Variants in FAM220A observed in about 807,000 individuals in gnomAD.
The protein encoded by FAM220A is family with sequence similarity 220 member A.
For missense variants in FAM220A, 392 were observed against 321.6 expected, an observed-to-expected ratio of 1.22 and a Z score of -1.68; for synonymous variants, 141 against 130.7, an observed-to-expected ratio of 1.08 and a Z score of -0.54.
intron 1 of FAM220A, among the ~76,000 whole-genome samples, chr7:6,333,583 G>A (rs374891925): frequency 2.0e-5 from 3 of 151,558 alleles, no homozygotes; most frequent in Admixed American, 6.6e-5. Flanking sequence ...ACTGCAGCCT[G>A]TAACTTCTGG....
Position 6,348,851 on chromosome 7 carries a change from AAGG to A in FAM220A, c.-363_-361del. The A allele has an allele frequency of 2.6e-6, 1 of 390,144 alleles. No individual in the cohort carries two copies. The highest frequency in any genetic ancestry group is 4.5e-6 in the Non-Finnish European group (1 of 221,042). The allele number at this position is 390,144 out of a possible 1,614,324, so 24.2% of individuals were successfully genotyped here. ...CCTCGCCTGGCGTGCTCAGGGAGCG[AAGG>A]AGGCGGCGGCTAGACCGGCGGGCGG... On this transcript the variant is annotated 5_prime_UTR_variant, in exon 1 of 2. Transcript: ENST00000313324.
intron 1 of FAM220A, among the ~76,000 whole-genome samples, chr7:6,336,188 A>AT (rs1562446100): frequency 1.3e-5 from 2 of 150,462 alleles, no homozygotes; most frequent in Admixed American, 6.7e-5. Flanking sequence ...AAAAAAAAAA[A>AT]TTAAAAGATT....
At chr7:6,342,268 G>C (rs1781875386) in intron 1 of FAM220A, among the ~76,000 whole-genome samples, 1 of 151,538 alleles carries the variant, frequency 6.6e-6, no homozygotes, top group African/African-American at 2.4e-5. Context: ...GTCTAGGCTG[G>C]GTGCGGTGGC....
chr7:6,338,852 C>A (rs1050275983), intron 1 of FAM220A, among the ~76,000 whole-genome samples: 6 of 152,140 alleles, frequency 3.9e-5, no homozygotes, highest in African/African-American at 1.2e-4. Context: ...AAGGCTAGTC[C>A]CAAAGGGGAG....
At chr7:6,331,584 G>C (rs936615214) in intron 1 of FAM220A, among the ~76,000 whole-genome samples, 1 of 152,018 alleles carries the variant, frequency 6.6e-6, no homozygotes, top group Non-Finnish European at 1.5e-5. Flanking sequence ...GTTTCACCAA[G>C]TTAGCTGGGA....
intron 1 of FAM220A, among the ~76,000 whole-genome samples, chr7:6,333,391 G>A (rs1322784493): frequency 6.6e-6 from 1 of 152,124 alleles, no homozygotes; most frequent in African/African-American, 2.4e-5. Flanking sequence ...TGGACAGACT[G>A]CAAATGGTTC....
intron 1 of FAM220A, among the ~76,000 whole-genome samples, chr7:6,338,442 G>A (rs1781787673): frequency 6.6e-6 from 1 of 152,148 alleles, no homozygotes; most frequent in Non-Finnish European, 1.5e-5. Flanking sequence ...CCAGAATGAT[G>A]GAAGGAGTCT....
chr7:6,330,992 T>C lies in FAM220A; in HGVS notation c.163A>G (p.Asn55Asp), dbSNP rs1367810304. The C allele has an allele frequency of 3.7e-6, 6 of 1,614,240 alleles. No homozygotes were observed. The highest frequency in any genetic ancestry group is 5.1e-6 in the Non-Finnish European group (6 of 1,180,044). The change falls in exon 2 of 2, where the codon AAT (asparagine) becomes GAT (aspartate). Residue 55 changes from asparagine (N) to aspartate (D), a missense_variant. Coordinates refer to ENST00000313324, the MANE Select transcript of FAM220A (RefSeq NM_001037163.2). ...AGTGATAATGCCTCACTTTGTGAAT[T>C]TCCATCAACCACAGGCTTATTCATC... ...SWMNKPVVDG[N>D]SQSEALSLEM...
intron 1 of FAM220A, among the ~76,000 whole-genome samples, chr7:6,347,206 C>T (rs1281455632): frequency 6.6e-6 from 1 of 152,106 alleles, no homozygotes. Flanking sequence ...AACTGGAATT[C>T]AAGGGATGTA....
intron 1 of FAM220A, 53 bp from the exon 2 acceptor site, chr7:6,331,288 G>T: frequency 1.3e-6 from 1 of 799,314 alleles, no homozygotes; most frequent in Non-Finnish European, 2.0e-6. Context: ...TGGGTCTTAA[G>T]AGCATCTACA....
At chr7:6,346,981 A>G (rs1171114202) in intron 1 of FAM220A, among the ~76,000 whole-genome samples, 1 of 152,182 alleles carries the variant, frequency 6.6e-6, no homozygotes, top group African/African-American at 2.4e-5. Context: ...GGACTTGGCC[A>G]GCTTTCTTTG....
chr7:6,337,310 T>C (rs1009333376), intron 1 of FAM220A, among the ~76,000 whole-genome samples: 2 of 152,024 alleles, frequency 1.3e-5, no homozygotes, highest in African/African-American at 2.4e-5. Context: ...TGAGTAGATA[T>C]GGGGTTTTAC....
Position 6,347,883 on chromosome 7 carries a change from T to TTTATTATTATTATTATTA in FAM220A, c.-82+672_-82+689dup, listed in dbSNP as rs143253434. Among the ~76,000 whole-genome samples the TTTATTATTATTATTATTA allele has an allele frequency of 5.2e-3, 682 of 131,524 alleles. 5 individuals are homozygous for TTTATTATTATTATTATTA. The highest frequency in any genetic ancestry group is 0.01 in the African/African-American group (364 of 35,514). 86.3% of individuals were successfully genotyped at this position (131,524 alleles called of 152,430 possible). A position where few individuals can be genotyped will look rare whatever the true frequency, so the allele number is the denominator to read the frequency against. ...AGCCTGGGCAACATAACGAGACCCC[T>TTTATTATTATTATTATTA]TTATTATTATTATTATTATTATTAT... On this transcript the variant is annotated intron_variant, in intron 1 of 1. Transcript: ENST00000313324.
intron 1 of FAM220A, among the ~76,000 whole-genome samples, chr7:6,332,797 G>C (rs763348014): frequency 6.6e-6 from 1 of 152,172 alleles, no homozygotes; most frequent in African/African-American, 2.4e-5. Context: ...GTAGGAAACT[G>C]CTGTTTCTCT....
chr7:6,337,232 C>T (rs1781765850), intron 1 of FAM220A, among the ~76,000 whole-genome samples: 1 of 152,096 alleles, frequency 6.6e-6, no homozygotes, highest in African/African-American at 2.4e-5. Flanking sequence ...CCACCATGGC[C>T]CTGGCTGGTT....
chr7:6,335,060 C>G (rs1781717196), intron 1 of FAM220A, among the ~76,000 whole-genome samples: 1 of 151,846 alleles, frequency 6.6e-6, no homozygotes, highest in South Asian at 2.1e-4. Flanking sequence ...AGCCACCGCA[C>G]CCAGCCAGTG....
intron 1 of FAM220A, among the ~76,000 whole-genome samples, chr7:6,346,188 G>A (rs1015965185): frequency 6.6e-6 from 1 of 152,080 alleles, no homozygotes; most frequent in African/African-American, 2.4e-5. Flanking sequence ...TAACTGGGGA[G>A]GGCTCAGGCC....
At chr7:6,344,478 A>G (rs909945174) in intron 1 of FAM220A, among the ~76,000 whole-genome samples, 10 of 152,022 alleles carry the variant, frequency 6.6e-5, no homozygotes, top group Admixed American at 2.0e-4. Flanking sequence ...CCTGGAGTAC[A>G]GTGGTACAAT....
chr7:6,337,143 C>T lies in FAM220A; in HGVS notation c.-81-5908G>A, dbSNP rs1383927886. ...CTGGAGTGCAGTGGCGCAATCTCAG[C>T]TCACTGCAGCCTCTGCTTCCCGCAC... On this transcript the variant is annotated intron_variant, in intron 1 of 1. Coordinates refer to ENST00000313324, the MANE Select transcript of FAM220A (RefSeq NM_001037163.2). Among the ~76,000 whole-genome samples, 3 of 151,910 alleles carry T rather than the reference C, an allele frequency of 2.0e-5. No individual in the cohort carries two copies. The East Asian group carries it at 5.8e-4, about 29-fold the overall frequency.
Sources: gnomAD v4.1 joint callset for allele counts (sites outside exome capture counted in the v4.1 genomes callset) on GRCh38, gnomAD v4.1.1 for gene constraint, MANE v1.5 for transcripts, NCBI Gene and HGNC (gene_info 2026-07-23, HGNC 2026-07-21) for gene names.